GRID2: variants seen among roughly 807,000 people sequenced by gnomAD.
The protein encoded by GRID2 is glutamate ionotropic receptor delta type subunit 2.
GRID2 carries 33 observed loss-of-function variants against 114.8 expected under a neutral mutation model. The ratio of observed to expected loss-of-function variants is 0.29; its 90% CI spans 0.22 to 0.38. The LOEUF (loss-of-function observed/expected upper bound fraction) is 0.38, where lower values mean the gene tolerates loss of function less well. Among genes scored for constraint, GRID2 ranks in the 10% least tolerant of loss-of-function variants. The pLI is 1.00. For missense variants in GRID2, 1,184 were observed against 1,257.7 expected (o/e 0.94, Z 0.89); for synonymous variants, 505 against 449.9 (o/e 1.12, Z -1.55).
intron 8 of GRID2, among the ~76,000 whole-genome samples, chr4:93,367,691 T>C (rs1226049429): frequency 6.6e-6 from 1 of 152,084 alleles, no homozygotes; most frequent in Admixed American, 6.6e-5. Context: ...CTGGAGACAA[T>C]GTCGTGTGAA....
At chr4:92,866,742 C>T (rs1455110084) in intron 2 of GRID2, among the ~76,000 whole-genome samples, 8 of 151,372 alleles carry the variant, frequency 5.3e-5, no homozygotes, top group Non-Finnish European at 1.2e-4. Context: ...TTAATAGAGA[C>T]GGTTTTCACC....
rs533268283 is a variant in GRID2 at position 93,168,019 on chromosome 4, G to A, written c.736-39385G>A. On this transcript the variant is annotated intron_variant, in intron 4 of 15. Coordinates refer to ENST00000282020, the MANE Select transcript of GRID2 (RefSeq NM_001510.4). ...GACCAGCCTGACCAACATGGCAAAA[G>A]AAACCATCTCTACTAAAAATATAAA... Among the ~76,000 whole-genome samples, 818 of 152,022 alleles carry A rather than the reference G, an allele frequency of 5.4e-3. 10 individuals carry two copies. Among genetic ancestry groups the A allele is most frequent in the African/African-American group, 0.019 (783 of 41,474 alleles).
intron 14 of GRID2, among the ~76,000 whole-genome samples, chr4:93,626,743 T>C (rs1742771663): frequency 6.6e-6 from 1 of 152,186 alleles, no homozygotes; most frequent in Non-Finnish European, 1.5e-5. Flanking sequence ...AAACTAGTAG[T>C]CTAGTCTGAA....
chr4:92,648,962 T>C (rs1731779393), intron 2 of GRID2, among the ~76,000 whole-genome samples: 1 of 138,964 alleles, frequency 7.2e-6, no homozygotes, highest in African/African-American at 2.8e-5. Context: ...TGTGTAGAAC[T>C]AGCTGATATA....
chr4:93,629,894 T>G (rs1427317758), intron 14 of GRID2, among the ~76,000 whole-genome samples: 1 of 152,204 alleles, frequency 6.6e-6, no homozygotes. Context: ...TATGAGGCAT[T>G]GCACATTTGT....
chr4:93,429,414 A>G (rs1392708071), intron 10 of GRID2, among the ~76,000 whole-genome samples: 1 of 152,234 alleles, frequency 6.6e-6, no homozygotes, highest in Admixed American at 6.5e-5. Context: ...AAAGATACAT[A>G]CTTAAAAAAT....
At chr4:92,934,278 T>C (rs1457950404) in intron 2 of GRID2, among the ~76,000 whole-genome samples, 1 of 151,856 alleles carries the variant, frequency 6.6e-6, no homozygotes, top group Non-Finnish European at 1.5e-5. Context: ...CCTAGGTATT[T>C]TATTCTCTTT....
At chr4:93,613,131 C>G (rs867338980) in intron 13 of GRID2, among the ~76,000 whole-genome samples, 1 of 147,806 alleles carries the variant, frequency 6.8e-6, no homozygotes, top group African/African-American at 2.5e-5. Flanking sequence ...GCATTCTTCA[C>G]GTAGTTCTCG....
At chr4:92,402,431 G>T (rs1730829860) in intron 1 of GRID2, among the ~76,000 whole-genome samples, 1 of 152,098 alleles carries the variant, frequency 6.6e-6, no homozygotes, top group Admixed American at 6.6e-5. Context: ...ATGTATTTTT[G>T]AATAATAAGA....
Position 92,781,115 on chromosome 4 carries a change from C to T in GRID2, c.244+190829C>T, listed in dbSNP as rs549342349. ...CAAAAATTAGCCGGGCATGGTGGCA[C>T]GTGCCTTTTAGTCCCAGCTACTTGG... On this transcript the variant is annotated intron_variant, in intron 2 of 15. Coordinates refer to ENST00000282020, the MANE Select transcript of GRID2 (RefSeq NM_001510.4). Among the ~76,000 whole-genome samples the T allele has an allele frequency of 1.6e-4, 25 of 151,938 alleles. No homozygotes were observed. In the South Asian group the frequency reaches 4.2e-3, roughly 25 times the overall value.
intron 2 of GRID2, among the ~76,000 whole-genome samples, chr4:93,037,129 G>T (rs2149263984): frequency 6.6e-6 from 1 of 152,138 alleles, no homozygotes; most frequent in South Asian, 2.1e-4. Context: ...GCACATTTTT[G>T]AACATTTAGA....
chr4:92,364,993 T>C (rs1047938282), intron 1 of GRID2, among the ~76,000 whole-genome samples: 1 of 152,010 alleles, frequency 6.6e-6, no homozygotes, highest in Non-Finnish European at 1.5e-5. Flanking sequence ...CAGCAAAAAA[T>C]AAGCAGCATA....
chr4:92,521,705 G>A (rs1724789890), intron 1 of GRID2, among the ~76,000 whole-genome samples: 1 of 151,834 alleles, frequency 6.6e-6, no homozygotes, highest in African/African-American at 2.4e-5. Context: ...GAATCATGTT[G>A]GTTAATAAAA....
chr4:93,634,662 A>T (rs903362493), intron 14 of GRID2, among the ~76,000 whole-genome samples: 3 of 152,118 alleles, frequency 2.0e-5, no homozygotes, highest in African/African-American at 7.2e-5. Context: ...GAAGAGAAAT[A>T]TCTGTACAGA....
At chr4:92,912,171 G>A (rs1466777938) in intron 2 of GRID2, among the ~76,000 whole-genome samples, 1 of 151,696 alleles carries the variant, frequency 6.6e-6, no homozygotes, top group Non-Finnish European at 1.5e-5. Context: ...GTCTTCTTAG[G>A]TTTTCCAAAG....
chr4:92,848,210 A>T (rs1578299850), intron 2 of GRID2, among the ~76,000 whole-genome samples: 1 of 141,658 alleles, frequency 7.1e-6, no homozygotes, highest in South Asian at 2.4e-4. Context: ...ACAATCACAC[A>T]TTCAGGGATT....
chr4:92,540,681 C>T (rs1269911737), intron 1 of GRID2, among the ~76,000 whole-genome samples: 4 of 152,094 alleles, frequency 2.6e-5, no homozygotes, highest in Non-Finnish European at 5.9e-5. Flanking sequence ...AGGAACACTT[C>T]TACACTGTTG....
chr4:93,662,081 C>G (rs2149738691), intron 14 of GRID2, among the ~76,000 whole-genome samples: 1 of 152,324 alleles, frequency 6.6e-6, no homozygotes, highest in South Asian at 2.1e-4. Flanking sequence ...ACATCCCAGG[C>G]AGCTTCCTGC....
intron 8 of GRID2, among the ~76,000 whole-genome samples, chr4:93,375,963 C>G (rs1319791358): frequency 1.3e-5 from 2 of 152,010 alleles, no homozygotes; most frequent in Non-Finnish European, 2.9e-5. Context: ...TCCCTGAGGC[C>G]TCTCTCTTCA....
Sources: gnomAD v4.1 joint callset for allele counts (sites outside exome capture counted in the v4.1 genomes callset) on GRCh38, gnomAD v4.1.1 for gene constraint, MANE v1.5 for transcripts, NCBI Gene and HGNC (gene_info 2026-07-23, HGNC 2026-07-21) for gene names.